KNTC1: variants seen among roughly 807,000 people sequenced by gnomAD.
The protein encoded by KNTC1 is kinetochore-associated protein 1.
Under a neutral mutation model 314.4 loss-of-function variants are expected in KNTC1, and 253 were observed. The observed-to-expected ratio is 0.80, with a 90% CI of 0.73 to 0.89. The LOEUF is 0.89. KNTC1 is among the 40% of genes least tolerant of loss of function. The probability of loss-of-function intolerance (pLI) is 0.00; values close to 1 mark genes in which losing one functional copy is unlikely to be tolerated. For synonymous variants in KNTC1, 901 were observed against 901.4 expected (o/e 1.00, Z 0.01); for missense variants, 2,475 against 2,572.9 (o/e 0.96, Z 0.82).
At chr12:122,528,790 G>A (rs867491493) in intron 1 of KNTC1, among the ~76,000 whole-genome samples, 12 of 152,328 alleles carry the variant, frequency 7.9e-5, no homozygotes, top group Admixed American at 2.6e-4. Context: ...TGCTATGCCT[G>A]TAGGTGCAAT....
chr12:122,615,088 T>C lies in KNTC1; in HGVS notation c.5973+2T>C. ...CAAAAGCTTCTGGGCTTCAATATGGTAAGTAAGACTCAATGCCCTCGACTA... is the reference window on the plus strand; with the variant it reads ...CAAAAGCTTCTGGGCTTCAATATGGCAAGTAAGACTCAATGCCCTCGACTA... On this transcript the variant is annotated splice_donor_variant, in intron 56 of 63. Coordinates refer to ENST00000333479, the MANE Select transcript of KNTC1 (RefSeq NM_014708.6). LOFTEE classifies it high-confidence loss of function. The C allele has an allele frequency of 6.2e-7, 1 of 1,600,680 alleles. No individual in the cohort carries two copies. The highest frequency in any genetic ancestry group is 8.6e-7 in the Non-Finnish European group (1 of 1,168,970).
chr12:122,572,880 A>T, intron 24 of KNTC1, 57 bp from the exon 25 acceptor site: 1 of 1,304,608 alleles, frequency 7.7e-7, no homozygotes, highest in Non-Finnish European at 1.1e-6. Context: ...TTCTGATTCT[A>T]TTTTTCTCTC....
intron 59 of KNTC1, 134 bp downstream of exon 59, chr12:122,618,679 G>GTTT (rs1298054104): frequency 2.7e-6 from 2 of 747,958 alleles, no homozygotes; most frequent in Non-Finnish European, 4.4e-6. Context: ...TGTTGTTGTT[G>GTTT]TTGTTTTGAG....
intron 51 of KNTC1, among the ~76,000 whole-genome samples, chr12:122,605,746 A>G (rs928670451): frequency 2.0e-5 from 3 of 151,194 alleles, no homozygotes; most frequent in African/African-American, 7.3e-5. Flanking sequence ...GGGTTTCACC[A>G]TGTTGGTCAG....
chr12:122,608,861 C>G (rs953181103), intron 51 of KNTC1, among the ~76,000 whole-genome samples: 1 of 151,958 alleles, frequency 6.6e-6, no homozygotes, highest in Non-Finnish European at 1.5e-5. Flanking sequence ...GGTTTGAGAC[C>G]AGCCTGAGCA....
intron 1 of KNTC1, among the ~76,000 whole-genome samples, chr12:122,527,972 T>C (rs1960886556): frequency 6.6e-6 from 1 of 152,230 alleles, no homozygotes; most frequent in Admixed American, 6.5e-5. Flanking sequence ...TGCAGTTGCT[T>C]TTTTGTGGAG....
Position 122,603,027 on chromosome 12 carries a change from T to TTC in KNTC1, c.4891_4892dup (p.Asp1632TrpfsTer17). The stretch of plus-strand genomic sequence containing the variant: ...GCCATAACCTTCCTTTTCTTTGAAG[T>TTC]TCTCTCTGGACACTCTGTACGTGTC... On this transcript the variant is annotated frameshift_variant and splice_region_variant, in exon 48 of 64. Transcript: ENST00000333479. LOFTEE classifies it high-confidence loss of function. 6.2e-7 allele frequency: 1 copy of TTC among 1,612,762 alleles called. No homozygotes were observed. Among genetic ancestry groups the TTC allele is most frequent in the Non-Finnish European group, 8.5e-7 (1 of 1,179,374 alleles).
At chr12:122,570,383 G>A (rs1456483431) in intron 22 of KNTC1, among the ~76,000 whole-genome samples, 1 of 151,852 alleles carries the variant, frequency 6.6e-6, no homozygotes, top group Non-Finnish European at 1.5e-5. Context: ...GCCGGGCATG[G>A]TGGCATGCCT....
chr12:122,547,577 A>AGACAAGATACCT, intron 11 of KNTC1, 47 bp downstream of exon 11: 1 of 1,144,312 alleles, frequency 8.7e-7, no homozygotes, highest in Non-Finnish European at 1.3e-6. Flanking sequence ...TGTTAGTACC[A>AGACAAGATACCT]GGTATCTTGT....
rs1418567132 is a variant in KNTC1, at chr12:122,533,027, T to C, written c.130-1637T>C. Among the ~76,000 whole-genome samples, 7 of 151,956 alleles carry C rather than the reference T, an allele frequency of 4.6e-5. No individual in the cohort carries two copies. The East Asian group carries it at 9.7e-4, about 21-fold the overall frequency. On this transcript the variant is annotated intron_variant, in intron 2 of 63. Coordinates refer to ENST00000333479, the MANE Select transcript of KNTC1 (RefSeq NM_014708.6). Reference sequence around the variant, plus strand: ...GAGTTTGAGGCCAGCCTGGGCAACATAGGGAGACAACATCTCTAAAAAAAA... The same window carrying C: ...GAGTTTGAGGCCAGCCTGGGCAACACAGGGAGACAACATCTCTAAAAAAAA...
At position 122,568,330 on chromosome 12, in the gene KNTC1, A is replaced by G; in HGVS notation, c.1674A>G (p.Glu558=). 3 of 1,603,394 alleles carry G rather than the reference A, an allele frequency of 1.9e-6. No homozygotes were observed. Among genetic ancestry groups the G allele is most frequent in the Non-Finnish European group, 1.7e-6 (2 of 1,171,456 alleles). Residue 558 remains glutamate, a synonymous_variant, in exon 21 of 64, where the codon GAA becomes GAG. Coordinates refer to ENST00000333479, the MANE Select transcript of KNTC1 (RefSeq NM_014708.6). ...DLKDIFLQLK[E]GNLVCAQYLW... Reference sequence around the variant, plus strand: ...AAGATATTTTTTTACAGCTAAAAGAAGGAAACCTTGTTTGTGCACAGTATC... The same window carrying G: ...AAGATATTTTTTTACAGCTAAAAGAGGGAAACCTTGTTTGTGCACAGTATC...
chr12:122,608,304 ATTT>A (rs974110685), intron 51 of KNTC1, among the ~76,000 whole-genome samples: 2 of 151,820 alleles, frequency 1.3e-5, no homozygotes, highest in African/African-American at 4.8e-5. Context: ...TTTTTTTAGT[ATTT>A]TTACTAGAGA....
intron 5 of KNTC1, among the ~76,000 whole-genome samples, chr12:122,541,433 A>G (rs1476147517): frequency 6.2e-5 from 9 of 144,016 alleles, no homozygotes; most frequent in African/African-American, 2.3e-4. Flanking sequence ...TGCAACCTCC[A>G]CTACCCGGGT....
At position 122,546,641 on chromosome 12, in the gene KNTC1, G is replaced by T; in HGVS notation, c.783G>T (p.Leu261=). Residue 261 remains leucine (L), a synonymous_variant, in exon 10 of 64, where the codon CTG becomes CTT. Transcript: ENST00000333479. The stretch of plus-strand genomic sequence containing the variant: ...TTGTAGGTGCAAAGAAGTTCCAGCT[G>T]ATAGACAATCTACTTTTTGTTCTTG... ...EIIKGAKKFQ[L]IDNLLFVLDT... 2 of 1,588,744 alleles carry T rather than the reference G, an allele frequency of 1.3e-6. No individual in the cohort carries two copies. The highest frequency in any genetic ancestry group is 1.7e-6 in the Non-Finnish European group (2 of 1,163,440).
intron 1 of KNTC1, among the ~76,000 whole-genome samples, chr12:122,527,906 T>G (rs1037883259): frequency 6.6e-6 from 1 of 152,238 alleles, no homozygotes; most frequent in Non-Finnish European, 1.5e-5. Context: ...ACGCCTCACC[T>G]TATCCATTTA....
chr12:122,618,202 C>A (rs1322562344), intron 57 of KNTC1, 141 bp from the exon 58 acceptor site: 3 of 698,152 alleles, frequency 4.3e-6, no homozygotes, highest in Non-Finnish European at 7.4e-6. Flanking sequence ...GAACTCCTGA[C>A]CTCAAGTGAT....
chr12:122,544,124 T>C (rs777100143), intron 7 of KNTC1, 35 bp from the exon 8 acceptor site: 2 of 850,588 alleles, frequency 2.4e-6, no homozygotes, highest in Non-Finnish European at 3.8e-6. Context: ...TAAATATGTA[T>C]TATATATATG....
chr12:122,538,874 A>G (rs545648156), intron 4 of KNTC1, among the ~76,000 whole-genome samples: 4 of 152,340 alleles, frequency 2.6e-5, no homozygotes, highest in South Asian at 2.1e-4. Context: ...CATGTGTTGT[A>G]TATCTCACTA....
rs1221608471 is a variant in KNTC1 at position 122,539,740 on chromosome 12, A to G, written c.431A>G (p.Asp144Gly). 8 of 1,547,806 alleles carry G rather than the reference A, an allele frequency of 5.2e-6. No homozygotes were observed. The African/African-American group carries it at 9.7e-5, about 19-fold the overall frequency. The change falls in exon 5 of 64, where the codon GAT becomes GGT. Residue 144 changes from aspartate (D) to glycine (G), a missense_variant. By Grantham distance (94) the Asp-to-Gly change is moderately conservative. Coordinates refer to ENST00000333479, the MANE Select transcript of KNTC1 (RefSeq NM_014708.6). ...RTYQNLVIEK[D>G]GSNEGTYYML... Reference sequence around the variant, plus strand: ...TACCAGAATCTTGTCATTGAGAAGGATGGTTCAAATGAAGGTAAGTTTTCC... The same window carrying G: ...TACCAGAATCTTGTCATTGAGAAGGGTGGTTCAAATGAAGGTAAGTTTTCC...
Sources: gnomAD v4.1 joint callset for allele counts (sites outside exome capture counted in the v4.1 genomes callset) on GRCh38, gnomAD v4.1.1 for gene constraint, MANE v1.5 for transcripts, NCBI Gene and HGNC (gene_info 2026-07-23, HGNC 2026-07-21) for gene names.